GUCY1A2: variants seen among roughly 807,000 people sequenced by gnomAD.
GUCY1A2 encodes guanylate cyclase soluble subunit alpha-2.
GUCY1A2 carries 27 observed loss-of-function variants against 63.5 expected under a neutral mutation model. The ratio of observed to expected loss-of-function variants is 0.43; its 90% CI spans 0.31 to 0.59. GUCY1A2 has a LOEUF of 0.59. Among genes scored for constraint, GUCY1A2 ranks in the 20% least tolerant of loss-of-function variants. The pLI is 0.11. For synonymous variants in GUCY1A2, 364 were observed against 343.5 expected (o/e 1.06, Z -0.66); for missense variants, 768 against 913.3 (o/e 0.84, Z 2.05).
chr11:106,752,501 T>C (rs536921744), intron 6 of GUCY1A2, among the ~76,000 whole-genome samples: 106 of 152,292 alleles, frequency 7.0e-4, no homozygotes, highest in Non-Finnish European at 1.3e-3. Flanking sequence ...CCTAATGCTA[T>C]CCTTCCCCCA....
At chr11:106,877,905 A>G (rs1007135686) in intron 4 of GUCY1A2, among the ~76,000 whole-genome samples, 1 of 152,164 alleles carries the variant, frequency 6.6e-6, no homozygotes, top group South Asian at 2.1e-4. Context: ...TGCAGCATCT[A>G]TAACAAACTT....
chr11:107,011,581 A>G (rs182501958), intron 1 of GUCY1A2, among the ~76,000 whole-genome samples: 3 of 144,704 alleles, frequency 2.1e-5, no homozygotes, highest in Admixed American at 1.4e-4. Context: ...ATATATATTT[A>G]TAATATATAA....
chr11:106,761,951 G>A (rs994218250), intron 6 of GUCY1A2, among the ~76,000 whole-genome samples: 1 of 152,064 alleles, frequency 6.6e-6, no homozygotes. Context: ...AGGATGCTGC[G>A]CTGCATAGAG....
At chr11:106,754,094 G>A (rs1033511887) in intron 6 of GUCY1A2, among the ~76,000 whole-genome samples, 2 of 152,234 alleles carry the variant, frequency 1.3e-5, no homozygotes, top group African/African-American at 4.8e-5. Context: ...TGGATTCCCA[G>A]GTATTTTATT....
chr11:106,905,914 C>A (rs898693947), intron 4 of GUCY1A2, among the ~76,000 whole-genome samples: 10 of 152,108 alleles, frequency 6.6e-5, no homozygotes, highest in Admixed American at 6.6e-4. Flanking sequence ...TAAAAGAACA[C>A]TTGCTTACAC....
intron 4 of GUCY1A2, among the ~76,000 whole-genome samples, chr11:106,846,388 G>A (rs1323470407): frequency 6.6e-6 from 1 of 151,436 alleles, no homozygotes; most frequent in African/African-American, 2.4e-5. Flanking sequence ...AACTTTTCTG[G>A]AAGCTTAAAA....
chr11:106,675,519 A>G lies in GUCY1A2; in HGVS notation c.*12030T>C, dbSNP rs554520066. On this transcript the variant is annotated 3_prime_UTR_variant, in exon 8 of 8. Transcript: ENST00000526355. ...TCTGGGCCTTCAATAACTTAGTAGA[A>G]GGCAATAAAATAGAGGGAAAAATGG... 2.0e-5 allele frequency: 4 copies of G among 199,136 alleles called. No individual in the cohort carries two copies. The highest frequency in any genetic ancestry group is 9.2e-5 in the African/African-American group (4 of 43,514). The allele number at this position is 199,136 out of a possible 1,614,324, so 12.3% of individuals were successfully genotyped here.
intron 2 of GUCY1A2, among the ~76,000 whole-genome samples, chr11:106,979,427 C>A (rs935682428): frequency 2.4e-4 from 35 of 147,098 alleles, no homozygotes; most frequent in Non-Finnish European, 4.9e-4. Flanking sequence ...TGCACTCCAG[C>A]CTGGGTGACA....
At chr11:106,968,408 A>G (rs561055861) in intron 3 of GUCY1A2, among the ~76,000 whole-genome samples, 78 of 152,330 alleles carry the variant, frequency 5.1e-4, no homozygotes, top group Middle Eastern at 3.4e-3. Flanking sequence ...GAATAAAAGC[A>G]TAAATGTATA....
intron 5 of GUCY1A2, among the ~76,000 whole-genome samples, chr11:106,807,099 G>A (rs984514770): frequency 1.3e-5 from 2 of 151,924 alleles, no homozygotes; most frequent in Non-Finnish European, 2.9e-5. Context: ...AACATAAAAG[G>A]TGGGCTGTAC....
chr11:106,842,246 G>A (rs750783823), intron 4 of GUCY1A2, among the ~76,000 whole-genome samples: 2 of 152,006 alleles, frequency 1.3e-5, no homozygotes, highest in African/African-American at 4.8e-5. Context: ...CAGTGTTAGT[G>A]GTTCCCACCA....
intron 3 of GUCY1A2, among the ~76,000 whole-genome samples, chr11:106,963,359 T>C (rs1022137368): frequency 5.9e-5 from 9 of 152,224 alleles, no homozygotes; most frequent in Non-Finnish European, 8.8e-5. Flanking sequence ...TCACTCAATA[T>C]AGTACCATGA....
At chr11:106,950,105 A>C (rs112319843) in intron 3 of GUCY1A2, among the ~76,000 whole-genome samples, 52 of 152,318 alleles carry the variant, frequency 3.4e-4, no homozygotes, top group African/African-American at 1.3e-3. Context: ...GTGAATGCTT[A>C]TTGTTTGACA....
rs186473967 is a variant in GUCY1A2 at position 106,978,261 on chromosome 11, C to T, written c.487+358G>A. On this transcript the variant is annotated intron_variant, in intron 3 of 7. Coordinates refer to ENST00000526355, the MANE Select transcript of GUCY1A2 (RefSeq NM_000855.3). ...CCCTTCTGCCCCAACCAGGACCTCC[C>T]AGAAGTAATAGAGTATGACTGAGAG... Among the ~76,000 whole-genome samples, 412 of 152,154 alleles carry T rather than the reference C, an allele frequency of 2.7e-3. 16 individuals are homozygous for T. Among genetic ancestry groups the T allele is most frequent in the Non-Finnish European group, 3.1e-4 (21 of 68,004 alleles).
chr11:106,769,168 C>A (rs1229104313), intron 6 of GUCY1A2, among the ~76,000 whole-genome samples: 1 of 152,022 alleles, frequency 6.6e-6, no homozygotes, highest in Non-Finnish European at 1.5e-5. Flanking sequence ...ACACAGGAAA[C>A]AAGTAACATG....
intron 7 of GUCY1A2, among the ~76,000 whole-genome samples, chr11:106,700,669 G>A (rs937910746): frequency 1.1e-4 from 17 of 152,112 alleles, no homozygotes; most frequent in Non-Finnish European, 2.5e-4. Flanking sequence ...TACTGTTTTG[G>A]TGCTTCCATA....
At chr11:106,977,950 T>C (rs1321726233) in intron 3 of GUCY1A2, among the ~76,000 whole-genome samples, 1 of 152,178 alleles carries the variant, frequency 6.6e-6, no homozygotes, top group Non-Finnish European at 1.5e-5. Context: ...ATACATTGCA[T>C]GGAATACAAT....
intron 1 of GUCY1A2, among the ~76,000 whole-genome samples, chr11:107,012,233 G>A (rs112481864): frequency 2.7e-5 from 4 of 147,702 alleles, no homozygotes; most frequent in Non-Finnish European, 4.4e-5. Flanking sequence ...TCTGGGCTAT[G>A]CCGACAAAAT....
chr11:106,792,393 A>T (rs1490839002), intron 5 of GUCY1A2, among the ~76,000 whole-genome samples: 3 of 151,898 alleles, frequency 2.0e-5, no homozygotes, highest in Non-Finnish European at 4.4e-5. Context: ...CTCAAAAAAA[A>T]AAAAAAAAAA....
Sources: allele counts gnomAD v4.1 joint callset (sites outside exome capture counted in the v4.1 genomes callset), GRCh38; gene constraint gnomAD v4.1.1; transcripts MANE v1.5; gene names NCBI Gene and HGNC (gene_info 2026-07-23, HGNC 2026-07-21).